The following GPR155 variants were observed in gnomAD, a reference collection of about 807,000 sequenced individuals.
GPR155 encodes lysosomal cholesterol signaling protein.
A neutral mutation model predicts 93.1 loss-of-function variants in GPR155; 65 were observed. That is an observed-to-expected ratio of 0.70 (90% CI 0.57 to 0.86). The LOEUF (loss-of-function observed/expected upper bound fraction) is 0.86, where lower values mean the gene tolerates loss of function less well. Among genes scored for constraint, GPR155 ranks in the 40% least tolerant of loss-of-function variants. GPR155 has a pLI of 0.00. For synonymous variants in GPR155, 319 were observed against 360.1 expected (o/e 0.89, Z 1.29); for missense variants, 838 against 1,034.8 (o/e 0.81, Z 2.61).
chr2:174,449,986 C>T (rs1687269273), intron 11 of GPR155, among the ~76,000 whole-genome samples: 2 of 151,498 alleles, frequency 1.3e-5, no homozygotes, highest in Non-Finnish European at 1.5e-5. Context: ...AAAAACAAAA[C>T]AAAACAAAAA....
chr2:174,446,193 A>G (rs1413889391), intron 12 of GPR155, among the ~76,000 whole-genome samples: 2 of 151,464 alleles, frequency 1.3e-5, no homozygotes, highest in Non-Finnish European at 2.9e-5. Context: ...TGTAATCCCA[A>G]CTACTCAGGA....
intron 2 of GPR155, among the ~76,000 whole-genome samples, chr2:174,478,450 A>G (rs1040219832): frequency 6.6e-6 from 1 of 151,996 alleles, no homozygotes; most frequent in Non-Finnish European, 1.5e-5. Flanking sequence ...AAACTCCTGG[A>G]CTTAAGGAAT....
chr2:174,467,025 C>T (rs988856958), intron 5 of GPR155, among the ~76,000 whole-genome samples: 7 of 151,964 alleles, frequency 4.6e-5, no homozygotes, highest in East Asian at 1.9e-4. Flanking sequence ...GGCACAGTGG[C>T]GGGCGCCTGT....
At chr2:174,466,415 C>G (rs1687839289) in intron 6 of GPR155, 129 bp downstream of exon 6, 2 of 619,328 alleles carry the variant, frequency 3.2e-6, no homozygotes, top group Admixed American at 3.2e-5. Flanking sequence ...TGTAATCAAA[C>G]TGTAATTGAC....
Position 174,432,767 on chromosome 2 carries a change from T to TG in GPR155, c.*3348_*3349insC. 1 of 147,452 alleles carries TG rather than the reference T, an allele frequency of 6.8e-6. No homozygotes were observed. The allele number at this position is 147,452 out of a possible 1,614,324, so 9.1% of individuals were successfully genotyped here. The stretch of plus-strand genomic sequence containing the variant: ...TATACTAGGCTTCCATGCAGGTTTT[T>TG]TTTTTTTTTTTTTTGCGATGGAGTC... On this transcript the variant is annotated 3_prime_UTR_variant, in exon 16 of 16. Coordinates refer to ENST00000392552, the MANE Select transcript of GPR155 (RefSeq NM_152529.7).
At chr2:174,474,649 C>T (rs775241254) in intron 2 of GPR155, among the ~76,000 whole-genome samples, 6 of 151,982 alleles carry the variant, frequency 3.9e-5, no homozygotes, top group Non-Finnish European at 8.8e-5. Context: ...AGTATGTGTG[C>T]TGTATTTGGT....
chr2:174,464,468 T>TA (rs1478207774), intron 7 of GPR155, among the ~76,000 whole-genome samples: 1 of 152,130 alleles, frequency 6.6e-6, no homozygotes, highest in Non-Finnish European at 1.5e-5. Flanking sequence ...TGGGATGACT[T>TA]AAAATGACAT....
intron 6 of GPR155, among the ~76,000 whole-genome samples, chr2:174,466,320 A>C (rs1178430373): frequency 6.6e-6 from 1 of 152,186 alleles, no homozygotes; most frequent in South Asian, 2.1e-4. Context: ...AAAAATGCAA[A>C]GTTATCATCA....
At chr2:174,445,317 G>T in intron 12 of GPR155, 141 bp from the exon 13 acceptor site, 3 of 576,476 alleles carry the variant, frequency 5.2e-6, no homozygotes, top group Non-Finnish European at 6.1e-6. Flanking sequence ...GAATATAGAG[G>T]CTTTATCTTT....
chr2:174,447,528 TTA>T (rs1162711158), intron 11 of GPR155, among the ~76,000 whole-genome samples: 12 of 145,982 alleles, frequency 8.2e-5, no homozygotes, highest in African/African-American at 3.0e-4. Flanking sequence ...TTATATATAA[TTA>T]TATATGTAAT....
intron 2 of GPR155, among the ~76,000 whole-genome samples, chr2:174,478,996 T>C (rs754370050): frequency 3.3e-5 from 5 of 152,178 alleles, no homozygotes; most frequent in Non-Finnish European, 5.9e-5. Context: ...TCGTCTAATA[T>C]ATTGGTTTTT....
At chr2:174,455,357 G>A (rs1397524110) in intron 10 of GPR155, among the ~76,000 whole-genome samples, 8 of 134,744 alleles carry the variant, frequency 5.9e-5, no homozygotes, top group Non-Finnish European at 1.1e-4. Flanking sequence ...GCTGCAGGGA[G>A]AGGTGGCAGA....
At chr2:174,469,873 C>A (rs1248869249) in intron 4 of GPR155, among the ~76,000 whole-genome samples, 1 of 152,154 alleles carries the variant, frequency 6.6e-6, no homozygotes, top group African/African-American at 2.4e-5. Context: ...ATCAAATTCT[C>A]ATAAAAAACA....
chr2:174,448,600 C>T (rs998178881), intron 11 of GPR155, among the ~76,000 whole-genome samples: 1 of 142,508 alleles, frequency 7.0e-6, no homozygotes, highest in African/African-American at 2.6e-5. Flanking sequence ...TGCAGTGGCG[C>T]AATCTCGGCT....
intron 1 of GPR155, 77 bp from the exon 2 acceptor site, chr2:174,482,064 A>G: frequency 1.4e-6 from 1 of 729,640 alleles, no homozygotes. Context: ...GCAAACCTAG[A>G]TTTGTTTACT....
At chr2:174,473,643 A>G (rs998878413) in intron 2 of GPR155, among the ~76,000 whole-genome samples, 35 of 152,258 alleles carry the variant, frequency 2.3e-4, no homozygotes, top group African/African-American at 8.4e-4. Context: ...TCCAAAAATG[A>G]GCAGAATTGT....
At chr2:174,476,927 T>G (rs1000410496) in intron 2 of GPR155, among the ~76,000 whole-genome samples, 6 of 152,304 alleles carry the variant, frequency 3.9e-5, no homozygotes, top group Non-Finnish European at 8.8e-5. Context: ...TAGTACTTTG[T>G]TTCATACTAG....
In GPR155 at chr2:174,461,421, A is replaced by G; in HGVS notation, c.1541T>C (p.Phe514Ser). The G allele has an allele frequency of 1.2e-6, 2 of 1,612,350 alleles. No homozygotes were observed. The highest frequency in any genetic ancestry group is 2.2e-5 in the South Asian group (2 of 91,044). The change falls in exon 9 of 16, where the codon TTC (phenylalanine) becomes TCC (serine). Residue 514 changes from phenylalanine (F) to serine (S), a missense_variant. By Grantham distance (155) the Phe-to-Ser change is radical. Transcript: ENST00000392552. Reference protein sequence around the residue: ...KHNGDSIDSAFFYGKEQMITT... With the variant: ...KHNGDSIDSASFYGKEQMITT... ...TCCCACCTGTTCTTTTCCATAAAAG[A>G]AGGCTGAGTCAATGCTATCTCCATT...
At chr2:174,461,371 A>G (rs1687688013) in intron 9 of GPR155, 31 bp downstream of exon 9, 1 of 1,363,444 alleles carries the variant, frequency 7.3e-7, no homozygotes, top group Non-Finnish European at 1.0e-6. Flanking sequence ...AGACATTCTC[A>G]AGAACAGAAC....
Sources: gnomAD v4.1 joint callset for allele counts (sites outside exome capture counted in the v4.1 genomes callset) on GRCh38, gnomAD v4.1.1 for gene constraint, MANE v1.5 for transcripts, NCBI Gene and HGNC (gene_info 2026-07-23, HGNC 2026-07-21) for gene names.